Variants in SPAG16 observed in about 807,000 individuals in gnomAD.
SPAG16 encodes the protein sperm associated antigen 16, also known as sperm-associated antigen 16 protein.
SPAG16 carries 86 observed loss-of-function variants against 80.4 expected under a neutral mutation model. The observed-to-expected ratio is 1.07, with a 90% CI of 0.90 to 1.28. The LOEUF is 1.28. SPAG16 is among the 50% of genes most tolerant of loss of function. The probability of loss-of-function intolerance (pLI) is 0.00; values close to 1 mark genes in which losing one functional copy is unlikely to be tolerated. For synonymous variants in SPAG16, 294 were observed against 265.9 expected (o/e 1.11, Z -1.03); for missense variants, 870 against 765.3 (o/e 1.14, Z -1.61).
At chr2:213,445,353 G>T (rs2071227482) in intron 9 of SPAG16, among the ~76,000 whole-genome samples, 1 of 152,152 alleles carries the variant, frequency 6.6e-6, no homozygotes, top group Admixed American at 6.5e-5. Context: ...AAGATCAAAA[G>T]AAGACATATC....
chr2:214,098,125 T>C (rs2052733105), intron 13 of SPAG16, among the ~76,000 whole-genome samples: 1 of 152,080 alleles, frequency 6.6e-6, no homozygotes, highest in Non-Finnish European at 1.5e-5. Context: ...CAACTTTTCA[T>C]TTTGAGACTG....
intron 13 of SPAG16, among the ~76,000 whole-genome samples, chr2:214,103,997 GA>G (rs1422469101): frequency 6.6e-6 from 1 of 152,020 alleles, no homozygotes; most frequent in African/African-American, 2.4e-5. Context: ...GAACATTAAA[GA>G]AACCTTTGCT....
chr2:213,314,880 A>T (rs1416815837), intron 4 of SPAG16, among the ~76,000 whole-genome samples: 1 of 151,786 alleles, frequency 6.6e-6, no homozygotes, highest in Non-Finnish European at 1.5e-5. Flanking sequence ...ATTGATACCT[A>T]TTTCCTGTTT....
chr2:214,119,677 T>C (rs921705713), intron 14 of SPAG16, among the ~76,000 whole-genome samples: 2 of 152,112 alleles, frequency 1.3e-5, no homozygotes, highest in Non-Finnish European at 2.9e-5. Context: ...ATTTATGAGA[T>C]ATACCAATAT....
chr2:213,576,764 C>G (rs1028770394), intron 10 of SPAG16, among the ~76,000 whole-genome samples: 3 of 151,932 alleles, frequency 2.0e-5, no homozygotes, highest in Non-Finnish European at 4.4e-5. Flanking sequence ...AATGGGAGAA[C>G]TAAATGATAA....
At chr2:214,327,009 C>CTT (rs1292570121) in intron 15 of SPAG16, among the ~76,000 whole-genome samples, 1 of 139,352 alleles carries the variant, frequency 7.2e-6, no homozygotes, top group Non-Finnish European at 1.5e-5. Flanking sequence ...TCTACTAAAA[C>CTT]TTATAAAATC....
chr2:213,845,943 G>A (rs980148646), intron 10 of SPAG16, among the ~76,000 whole-genome samples: 2 of 152,188 alleles, frequency 1.3e-5, no homozygotes, highest in African/African-American at 4.8e-5. Flanking sequence ...ATGAAAGTGG[G>A]GTTGGGGTAG....
At chr2:213,606,336 C>T (rs1429802093) in intron 10 of SPAG16, among the ~76,000 whole-genome samples, 1 of 152,136 alleles carries the variant, frequency 6.6e-6, no homozygotes, top group Non-Finnish European at 1.5e-5. Context: ...ATTACAAAAC[C>T]ATTTTCCAAA....
At chr2:213,690,993 T>A (rs2064919868) in intron 10 of SPAG16, among the ~76,000 whole-genome samples, 1 of 152,166 alleles carries the variant, frequency 6.6e-6, no homozygotes, top group Middle Eastern at 3.2e-3. Flanking sequence ...ATAGATCCTA[T>A]TGGTTCTGTC....
chr2:214,320,475 A>G (rs1696018005), intron 15 of SPAG16, among the ~76,000 whole-genome samples: 1 of 152,220 alleles, frequency 6.6e-6, no homozygotes, highest in Non-Finnish European at 1.5e-5. Context: ...TCCTGGTTGT[A>G]TTAGTCCATT....
chr2:213,449,659 G>A (rs1023089908), intron 9 of SPAG16, among the ~76,000 whole-genome samples: 2 of 152,152 alleles, frequency 1.3e-5, no homozygotes, highest in Non-Finnish European at 2.9e-5. Flanking sequence ...AGATAGGAGG[G>A]TGAAGATTGA....
chr2:213,845,467 A>T (rs1479963748), intron 10 of SPAG16, among the ~76,000 whole-genome samples: 1 of 152,132 alleles, frequency 6.6e-6, no homozygotes, highest in East Asian at 1.9e-4. Flanking sequence ...AAGTGCTGGG[A>T]TTACAGGTGT....
intron 10 of SPAG16, among the ~76,000 whole-genome samples, chr2:213,669,583 TAAAG>T (rs1238700258): frequency 3.9e-5 from 6 of 152,086 alleles, no homozygotes; most frequent in Admixed American, 1.3e-4. Context: ...AATAAATACA[TAAAG>T]AAAAAACACC....
At chr2:213,458,526 C>T (rs754077516) in intron 9 of SPAG16, among the ~76,000 whole-genome samples, 8 of 152,236 alleles carry the variant, frequency 5.3e-5, no homozygotes, top group Admixed American at 3.3e-4. Flanking sequence ...GAGCTGAGAT[C>T]GCGCCGCTGC....
At chr2:213,515,077 C>T (rs951856677) in intron 10 of SPAG16, among the ~76,000 whole-genome samples, 5 of 151,910 alleles carry the variant, frequency 3.3e-5, no homozygotes, top group South Asian at 2.1e-4. Flanking sequence ...AGGTGTTATG[C>T]GTCTTATTTT....
At chr2:214,311,147 A>G (rs1245989865) in intron 15 of SPAG16, among the ~76,000 whole-genome samples, 1 of 150,870 alleles carries the variant, frequency 6.6e-6, no homozygotes, top group Non-Finnish European at 1.5e-5. Flanking sequence ...CAGCACTGTT[A>G]CCTGCATTTC....
chr2:213,854,512 C>T (rs567950414), intron 10 of SPAG16, among the ~76,000 whole-genome samples: 1 of 152,276 alleles, frequency 6.6e-6, no homozygotes, highest in Admixed American at 6.5e-5. Context: ...AAGTTGTGGG[C>T]CATTCTTCAA....
intron 11 of SPAG16, among the ~76,000 whole-genome samples, chr2:213,873,523 G>T (rs573776966): frequency 6.6e-6 from 1 of 150,942 alleles, no homozygotes; most frequent in Admixed American, 6.6e-5. Context: ...ATTTTCTTCT[G>T]CTTGATTTGG....
chr2:213,447,068 A>G (rs1243263839), intron 9 of SPAG16, among the ~76,000 whole-genome samples: 2 of 152,200 alleles, frequency 1.3e-5, no homozygotes, highest in African/African-American at 4.8e-5. Flanking sequence ...ATTTGGGAAG[A>G]TTGTGTTAAC....
Sources: gnomAD v4.1 joint callset for allele counts (sites outside exome capture counted in the v4.1 genomes callset) on GRCh38, gnomAD v4.1.1 for gene constraint, MANE v1.5 for transcripts, NCBI Gene and HGNC (gene_info 2026-07-23, HGNC 2026-07-21) for gene names.